The following SOX5 variants were observed in gnomAD, a reference collection of about 807,000 sequenced individuals.
SOX5 encodes the protein SRY-box transcription factor 5, also known as transcription factor SOX-5.
In SOX5, 9 loss-of-function variants were observed where a neutral mutation model predicts 92.0. The ratio of observed to expected loss-of-function variants is 0.10; its 90% CI spans 0.06 to 0.17. The LOEUF (loss-of-function observed/expected upper bound fraction) is 0.17, where lower values mean the gene tolerates loss of function less well. Ranked by LOEUF, SOX5 falls within the 10% of genes least tolerant of loss-of-function variation. SOX5 has a pLI of 1.00. For synonymous variants in SOX5, 344 were observed against 336.3 expected (o/e 1.02, Z -0.25); for missense variants, 642 against 944.5 (o/e 0.68, Z 4.20).
At chr12:24,080,680 A>T (rs1200795395) in intron 4 of SOX5, among the ~76,000 whole-genome samples, 2 of 151,962 alleles carry the variant, frequency 1.3e-5, no homozygotes, top group Admixed American at 6.6e-5. Context: ...TTTGGTTCCA[A>T]AATATTGTTT....
chr12:23,722,931 T>G (rs1209306904), intron 6 of SOX5, among the ~76,000 whole-genome samples: 2 of 152,174 alleles, frequency 1.3e-5, no homozygotes, highest in Non-Finnish European at 2.9e-5. Flanking sequence ...ACGTTTTGAC[T>G]GCTAGTCATT....
intron 4 of SOX5, among the ~76,000 whole-genome samples, chr12:24,006,583 A>C (rs1952192199): frequency 6.6e-6 from 1 of 151,514 alleles, no homozygotes; most frequent in Non-Finnish European, 1.5e-5. Flanking sequence ...GACCTGTGCC[A>C]CTCCTTCCAG....
At chr12:24,130,823 T>A (rs550585372) in intron 4 of SOX5, among the ~76,000 whole-genome samples, 25 of 152,326 alleles carry the variant, frequency 1.6e-4, no homozygotes, top group African/African-American at 5.8e-4. Flanking sequence ...ATGGCTTTTT[T>A]AAGCTAGCTT....
chr12:24,388,007 C>T (rs73289769), intron 1 of SOX5, among the ~76,000 whole-genome samples: 98 of 152,244 alleles, frequency 6.4e-4, no homozygotes, highest in African/African-American at 2.3e-3. Context: ...GCTGGCCAAA[C>T]GATAATACAA....
chr12:24,165,621 G>T (rs7969863), intron 4 of SOX5, among the ~76,000 whole-genome samples: 26,297 of 152,060 alleles, frequency 0.17, 2,400 homozygotes, highest in African/African-American at 0.21. Context: ...CTTACAGTCT[G>T]AAAGGAAGTA....
In SOX5 at chr12:24,185,231, C is replaced by A. The variant is rs1051792041; in HGVS notation, c.-2+28112G>T. 3.3e-5 allele frequency among the ~76,000 whole-genome samples: 5 copies of A among 151,946 alleles called. 1 individual carries two copies. The highest frequency in any genetic ancestry group is 9.7e-5 in the African/African-American group (4 of 41,384). ...AGGGATCTTTACAAACTAAACATACCCTTGAAATACCTGCTTTAAAAATAT... is the reference window on the plus strand; with the variant it reads ...AGGGATCTTTACAAACTAAACATACACTTGAAATACCTGCTTTAAAAATAT... On this transcript the variant is annotated intron_variant, in intron 4 of 4. Coordinates refer to the SOX5 transcript ENST00000446891.
intron 2 of SOX5, among the ~76,000 whole-genome samples, chr12:24,315,904 T>C (rs1949655648): frequency 1.3e-5 from 2 of 152,188 alleles, no homozygotes; most frequent in Non-Finnish European, 2.9e-5. Flanking sequence ...TTCAACTAAC[T>C]CAGGCTTCAG....
intron 4 of SOX5, among the ~76,000 whole-genome samples, chr12:23,751,678 G>A (rs1402057224): frequency 1.3e-5 from 2 of 151,864 alleles, no homozygotes; most frequent in East Asian, 3.9e-4. Flanking sequence ...GCTCTGAAAG[G>A]CTATAGTATT....
chr12:24,244,264 A>C (rs78425334), intron 3 of SOX5, among the ~76,000 whole-genome samples: 6,343 of 152,304 alleles, frequency 0.042, 397 homozygotes, highest in African/African-American at 0.14. Flanking sequence ...CCTTGAATAA[A>C]GATGATTTCC....
chr12:24,417,958 G>A (rs1252909303), intron 1 of SOX5, among the ~76,000 whole-genome samples: 1 of 152,280 alleles, frequency 6.6e-6, no homozygotes, highest in Middle Eastern at 3.4e-3. Context: ...GGTATAAAGG[G>A]TTGACACTAG....
At chr12:23,674,336 A>ATTT (rs34975795) in intron 6 of SOX5, among the ~76,000 whole-genome samples, 4,146 of 97,354 alleles carry the variant, frequency 0.043, 571 homozygotes, top group African/African-American at 0.15. Context: ...ATAAAAAGGA[A>ATTT]TTTTTTTTTT....
At chr12:23,787,682 A>G (rs2095405247) in intron 3 of SOX5, among the ~76,000 whole-genome samples, 2 of 152,156 alleles carry the variant, frequency 1.3e-5, no homozygotes, top group South Asian at 4.1e-4. Flanking sequence ...AGTGTGACAT[A>G]CTAGTCTATT....
chr12:24,235,294 C>G (rs1250064701), intron 3 of SOX5, among the ~76,000 whole-genome samples: 1 of 152,176 alleles, frequency 6.6e-6, no homozygotes, highest in African/African-American at 2.4e-5. Context: ...TTAATATTTT[C>G]TAAGCTTACT....
chr12:24,005,027 G>A (rs960409695), intron 4 of SOX5, among the ~76,000 whole-genome samples: 2 of 152,058 alleles, frequency 1.3e-5, no homozygotes, highest in Non-Finnish European at 2.9e-5. Flanking sequence ...ACTACATATT[G>A]TATGATTCCA....
chr12:23,892,974 A>G (rs1220247558), intron 2 of SOX5, among the ~76,000 whole-genome samples: 1 of 152,206 alleles, frequency 6.6e-6, no homozygotes, highest in African/African-American at 2.4e-5. Context: ...GTGCCACTGC[A>G]TTACAGCCTG....
chr12:23,932,594 G>A (rs1291895469), intron 1 of SOX5, among the ~76,000 whole-genome samples: 1 of 151,334 alleles, frequency 6.6e-6, no homozygotes, highest in African/African-American at 2.4e-5. Context: ...AAGTGAAGGG[G>A]GCAAAGTTAA....
At chr12:23,630,324 C>T (rs1323254187) in intron 8 of SOX5, among the ~76,000 whole-genome samples, 3 of 151,794 alleles carry the variant, frequency 2.0e-5, no homozygotes, top group Non-Finnish European at 4.4e-5. Context: ...GAAAAACTAC[C>T]CTTCATGTAA....
intron 4 of SOX5, among the ~76,000 whole-genome samples, chr12:24,127,811 A>G (rs1345756775): frequency 6.6e-6 from 1 of 152,172 alleles, no homozygotes; most frequent in Non-Finnish European, 1.5e-5. Context: ...AATCACATAG[A>G]GAAGTGAGTG....
At chr12:24,506,084 CT>C (rs952394031) in intron 1 of SOX5, among the ~76,000 whole-genome samples, 9 of 152,090 alleles carry the variant, frequency 5.9e-5, no homozygotes, top group Admixed American at 1.3e-4. Context: ...ACCACACCCC[CT>C]ATGTGTGACC....
Sources: allele counts gnomAD v4.1 joint callset (sites outside exome capture counted in the v4.1 genomes callset), GRCh38; gene constraint gnomAD v4.1.1; transcripts MANE v1.5; gene names NCBI Gene and HGNC (gene_info 2026-07-23, HGNC 2026-07-21).